PIK3CD: variants seen among roughly 807,000 people sequenced by gnomAD.
The protein encoded by PIK3CD is phosphatidylinositol-4,5-bisphosphate 3-kinase catalytic subunit delta.
In PIK3CD, 20 loss-of-function variants were observed where a neutral mutation model predicts 122.9. The ratio of observed to expected loss-of-function variants is 0.16; its 90% confidence interval spans 0.11 to 0.24. PIK3CD has a LOEUF of 0.24. PIK3CD is among the 10% of genes least tolerant of loss of function. The pLI is 1.00. For missense variants in PIK3CD, 787 were observed against 1,406.3 expected (o/e 0.56, Z 7.04); for synonymous variants, 596 against 593.4 (o/e 1.00, Z -0.06).
chr1:9,672,049 C>T (rs1360925343), intron 1 of PIK3CD, among the ~76,000 whole-genome samples: 1 of 152,164 alleles, frequency 6.6e-6, no homozygotes, highest in Non-Finnish European at 1.5e-5. Flanking sequence ...GGCCGGGCAG[C>T]TGGCAGTAAC....
chr1:9,628,307 G>C, the PIK3CD span, among the ~76,000 whole-genome samples: 2 of 151,988 alleles, frequency 1.3e-5, no homozygotes, highest in African/African-American at 4.8e-5. Context: ...ATCTCAAAAA[G>C]AAAGAAAGAA....
chr1:9,654,101 T>A (rs947953102), intron 1 of PIK3CD: 2 of 1,179,874 alleles, frequency 1.7e-6, no homozygotes, highest in Admixed American at 4.6e-5. Context: ...CCCAGTTGCC[T>A]GCTCCAGAGA....
At chr1:9,638,416 C>T in the PIK3CD span, among the ~76,000 whole-genome samples, 19 of 152,192 alleles carry the variant, frequency 1.2e-4, no homozygotes, top group East Asian at 3.7e-3. Context: ...AACCTCCAAA[C>T]CCGCTTCCGA....
rs1337051695 is a variant in PIK3CD, at chr1:9,700,883, C to T, written c.-33+9312C>T. ...CTGTCATCCTCACTTCCTCCTGCAC[C>T]GTCCCCCAAGGGTCCCTCTGATTTA... On this transcript the variant is annotated intron_variant, in intron 2 of 23. Transcript: ENST00000377346. The surrounding 1 kb of genome is among the most constrained non-coding windows in gnomAD (Gnocchi z 5.1). 2.0e-5 allele frequency among the ~76,000 whole-genome samples: 3 copies of T among 152,216 alleles called. No homozygotes were observed. The highest frequency in any genetic ancestry group is 4.4e-5 in the Non-Finnish European group (3 of 68,016).
At chr1:9,686,036 A>AT (rs1237685655) in intron 1 of PIK3CD, among the ~76,000 whole-genome samples, 2 of 152,242 alleles carry the variant, frequency 1.3e-5, no homozygotes, top group Non-Finnish European at 2.9e-5. Context: ...CTGAGATTTC[A>AT]TCACAGCAAA....
At chr1:9,641,854 G>A in the PIK3CD span, among the ~76,000 whole-genome samples, 1 of 152,126 alleles carries the variant, frequency 6.6e-6, no homozygotes, top group East Asian at 1.9e-4. Context: ...GACTTTCTAG[G>A]AGTGGAATCT....
chr1:9,634,142 T>C, the PIK3CD span, among the ~76,000 whole-genome samples: 2 of 139,296 alleles, frequency 1.4e-5, no homozygotes, highest in African/African-American at 5.6e-5. Context: ...TGGTTAATTT[T>C]TGGGTTGTTT....
upstream of PIK3CD, among the ~76,000 whole-genome samples, chr1:9,647,110 TAAA>T (rs201689805): frequency 7.2e-6 from 1 of 139,004 alleles, no homozygotes. Context: ...AGACTCTGTC[TAAA>T]AAAAAAAAAG....
chr1:9,678,629 T>C (rs796410318), intron 1 of PIK3CD, among the ~76,000 whole-genome samples: 1 of 152,298 alleles, frequency 6.6e-6, no homozygotes, highest in African/African-American at 2.4e-5. Flanking sequence ...GGAAGGACTG[T>C]TTAGGTCCAA....
At position 9,720,365 on chromosome 1, in the gene PIK3CD, G is replaced by C; in HGVS notation, c.1470+123G>C. ...GGGGCTGGGCTACCAGGCATATCTG[G>C]GGCCTTCCCAGGGGCCATTTTGCCT... On this transcript the variant is annotated intron_variant, in intron 11 of 23. Coordinates refer to ENST00000377346, the MANE Select transcript of PIK3CD (RefSeq NM_005026.5). The surrounding 1 kb of genome is among the most constrained non-coding windows in gnomAD (Gnocchi z 9.0). The C allele has an allele frequency of 7.1e-7, 1 of 1,405,532 alleles. No individual in the cohort carries two copies. Among genetic ancestry groups the C allele is most frequent in the Admixed American group, 2.5e-5 (1 of 39,984 alleles). 87.1% of individuals were successfully genotyped at this position (1,405,532 alleles called of 1,614,324 possible). A position where few individuals can be genotyped will look rare whatever the true frequency, so the allele number is the denominator to read the frequency against.
Position 9,723,850 on chromosome 1 carries a change from TTC to T in PIK3CD, c.2595-117_2595-116del. On this transcript the variant is annotated intron_variant, in intron 20 of 23. Transcript: ENST00000377346. The surrounding 1 kb of genome is among the most constrained non-coding windows in gnomAD (Gnocchi z 4.9). The stretch of plus-strand genomic sequence containing the variant: ...GATGTCCAGCATTGTGTCCTCCATG[TTC>T]TGTTGGTCAAAGCAAGTCACAGGGC... The T allele has an allele frequency of 6.7e-6, 6 of 889,934 alleles. No homozygotes were observed. Among genetic ancestry groups the T allele is most frequent in the Non-Finnish European group, 1.1e-5 (6 of 542,620 alleles). The allele number at this position is 889,934 out of a possible 1,614,324, so 55.1% of individuals were successfully genotyped here.
the PIK3CD span, among the ~76,000 whole-genome samples, chr1:9,633,494 A>G: frequency 6.6e-6 from 1 of 152,000 alleles, no homozygotes; most frequent in Non-Finnish European, 1.5e-5. Flanking sequence ...TTTTTAGTAG[A>G]GACGGGGTTT....
chr1:9,637,879 G>A, the PIK3CD span, among the ~76,000 whole-genome samples: 31 of 152,012 alleles, frequency 2.0e-4, no homozygotes, highest in African/African-American at 6.5e-4. Context: ...CAAGGCAGGC[G>A]GATCACTTGA....
Position 9,710,472 on chromosome 1 carries a change from A to G in PIK3CD, c.17A>G (p.Asp6Gly), listed in dbSNP as rs749032083. The change falls in exon 3 of 24, where the codon GAC becomes GGC. Residue 6 changes from aspartate to glycine, a missense_variant. This residue lies in a region of PIK3CD where 592 missense variants were observed against 920.6 expected (regional missense o/e 0.64). Coordinates refer to ENST00000377346, the MANE Select transcript of PIK3CD (RefSeq NM_005026.5). The surrounding 1 kb of genome is among the most constrained non-coding windows in gnomAD (Gnocchi z 4.7). ...CAACGCAGGATGCCCCCTGGGGTGG[A>G]CTGCCCCATGGAATTCTGGACCAAG... MPPGV[D>G]CPMEFWTKEE... 25 of 1,614,022 alleles carry G rather than the reference A, an allele frequency of 1.5e-5. No individual in the cohort carries two copies. In the East Asian group the frequency reaches 3.3e-4, roughly 22 times the overall value.
chr1:9,708,646 G>C (rs921368845), intron 2 of PIK3CD, among the ~76,000 whole-genome samples: 1 of 151,544 alleles, frequency 6.6e-6, no homozygotes, highest in Non-Finnish European at 1.5e-5. Context: ...TCAGGAGTTC[G>C]AGACCAACCT....
At chr1:9,708,659 C>T (rs919440303) in intron 2 of PIK3CD, among the ~76,000 whole-genome samples, 1 of 151,836 alleles carries the variant, frequency 6.6e-6, no homozygotes, top group Admixed American at 6.6e-5. Flanking sequence ...ACCAACCTGG[C>T]CAACATGGTG....
chr1:9,666,962 T>C (rs999796845), intron 1 of PIK3CD, among the ~76,000 whole-genome samples: 1 of 151,758 alleles, frequency 6.6e-6, no homozygotes, highest in African/African-American at 2.4e-5. Flanking sequence ...GCCTCCTGGG[T>C]TCTAGTGATT....
the PIK3CD span, among the ~76,000 whole-genome samples, chr1:9,631,719 T>C: frequency 1.3e-5 from 2 of 152,252 alleles, no homozygotes; most frequent in Non-Finnish European, 2.9e-5. Flanking sequence ...AGGCCAGTGG[T>C]GTCCATTCTA....
rs1161672768 is a variant in PIK3CD, at chr1:9,727,458, G to C, written c.*412G>C. ...TGTCCGACAGGATGCCTTGATCCTC[G>C]TGCGACCCACCCTGTGTATCCTCCC... On this transcript the variant is annotated 3_prime_UTR_variant, in exon 24 of 24. Transcript: ENST00000377346. 7.7e-6 allele frequency: 3 copies of C among 388,226 alleles called. No homozygotes were observed. Among genetic ancestry groups the C allele is most frequent in the South Asian group, 2.4e-5 (1 of 41,054 alleles). The allele number at this position is 388,226 out of a possible 1,614,324, so 24.0% of individuals were successfully genotyped here. A position where few individuals can be genotyped will look rare whatever the true frequency, so the allele number is the denominator to read the frequency against.
Sources: allele counts gnomAD v4.1 joint callset (sites outside exome capture counted in the v4.1 genomes callset), GRCh38; gene constraint gnomAD v4.1.1; regional missense constraint gnomAD v4.1.1; non-coding constraint Gnocchi (gnomAD v3.1); transcripts MANE v1.5; gene names NCBI Gene and HGNC (gene_info 2026-07-23, HGNC 2026-07-21).